Variants in EPHB1 observed in about 807,000 individuals in gnomAD.
EPHB1 encodes the protein EPH receptor B1, also known as ephrin type-B receptor 1.
EPHB1 carries 30 observed loss-of-function variants against 94.4 expected under a neutral mutation model. The observed-to-expected ratio is 0.32, with a 90% confidence interval of 0.24 to 0.43. The LOEUF (loss-of-function observed/expected upper bound fraction) is 0.43. EPHB1 is among the 20% of genes least tolerant of loss of function. The pLI, the probability that EPHB1 is intolerant of heterozygous loss-of-function variation, is 1.00. For synonymous variants in EPHB1, 522 were observed against 489.1 expected (o/e 1.07, Z -0.89); for missense variants, 1,055 against 1,308.3 (o/e 0.81, Z 2.99).
chr3:135,106,781 G>A (rs1219393912), intron 4 of EPHB1, among the ~76,000 whole-genome samples, 178 bp downstream of exon 4: 1 of 152,172 alleles, frequency 6.6e-6, no homozygotes, highest in African/African-American at 2.4e-5. Context: ...TTGTCCCTAC[G>A]TAGCACTGGG....
intron 5 of EPHB1, among the ~76,000 whole-genome samples, chr3:135,136,786 T>C (rs1940636129): frequency 6.6e-6 from 1 of 152,196 alleles, no homozygotes; most frequent in Non-Finnish European, 1.5e-5. Context: ...GTCCATCATC[T>C]TTGGTCAGGA....
intron 3 of EPHB1, among the ~76,000 whole-genome samples, chr3:135,010,887 C>T (rs1935598050): frequency 6.6e-6 from 1 of 152,106 alleles, no homozygotes; most frequent in African/African-American, 2.4e-5. Context: ...TAACACCTGC[C>T]CCCAACCTCC....
chr3:134,872,092 A>G (rs2037511602), intron 1 of EPHB1, among the ~76,000 whole-genome samples: 1 of 152,020 alleles, frequency 6.6e-6, no homozygotes, highest in South Asian at 2.1e-4. Flanking sequence ...TTCTGGTCCT[A>G]CCTCTTTGTT....
At chr3:135,130,144 G>A (rs1412563251) in intron 4 of EPHB1, among the ~76,000 whole-genome samples, 1 of 152,130 alleles carries the variant, frequency 6.6e-6, no homozygotes, top group Non-Finnish European at 1.5e-5. Context: ...GAATTAATTA[G>A]GAGGCTTTTG....
At chr3:134,869,495 A>G (rs999958641) in intron 1 of EPHB1, among the ~76,000 whole-genome samples, 29 of 152,136 alleles carry the variant, frequency 1.9e-4, no homozygotes, top group African/African-American at 6.8e-4. Flanking sequence ...TGGGAGGGTT[A>G]AGTCTATGTC....
At chr3:134,797,609 A>G (rs775877335) in intron 1 of EPHB1, among the ~76,000 whole-genome samples, 6 of 152,214 alleles carry the variant, frequency 3.9e-5, no homozygotes, top group African/African-American at 7.2e-5. Flanking sequence ...CACAGCAGGC[A>G]TGAGGACGTG....
chr3:134,840,855 G>T (rs533060580), intron 1 of EPHB1, among the ~76,000 whole-genome samples: 1 of 152,312 alleles, frequency 6.6e-6, no homozygotes, highest in African/African-American at 2.4e-5. Flanking sequence ...TTCCTGGGAA[G>T]CTTCCAGCAC....
intron 2 of EPHB1, among the ~76,000 whole-genome samples, chr3:134,942,440 T>G (rs938716456): frequency 1.1e-4 from 17 of 152,178 alleles, no homozygotes; most frequent in Non-Finnish European, 1.9e-4. Context: ...GGGGTTAACC[T>G]CCTATGATGA....
At chr3:135,023,786 G>T (rs1936053105) in intron 3 of EPHB1, among the ~76,000 whole-genome samples, 1 of 152,122 alleles carries the variant, frequency 6.6e-6, no homozygotes, top group African/African-American at 2.4e-5. Flanking sequence ...TGGTATTTTA[G>T]TGGGAATCTG....
chr3:135,187,939 C>T (rs1003199991), intron 10 of EPHB1, among the ~76,000 whole-genome samples: 12 of 152,166 alleles, frequency 7.9e-5, no homozygotes, highest in Admixed American at 7.9e-4. Flanking sequence ...TGGCTCATGC[C>T]TGTAATCTCA....
intron 3 of EPHB1, among the ~76,000 whole-genome samples, chr3:135,095,390 T>C (rs1294040255): frequency 6.6e-6 from 1 of 152,182 alleles, no homozygotes; most frequent in Non-Finnish European, 1.5e-5. Context: ...CTCTTCTAGA[T>C]AGCTCTTGAA....
chr3:135,018,676 A>T (rs1312671312), intron 3 of EPHB1, among the ~76,000 whole-genome samples: 1 of 152,170 alleles, frequency 6.6e-6, no homozygotes, highest in Non-Finnish European at 1.5e-5. Flanking sequence ...CAGCAACCAC[A>T]ATCCACCCAC....
chr3:135,007,896 T>A (rs1935481295), intron 3 of EPHB1, among the ~76,000 whole-genome samples: 2 of 152,238 alleles, frequency 1.3e-5, no homozygotes, highest in South Asian at 2.1e-4. Context: ...CACCAGGCGA[T>A]GACATCCCAT....
intron 12 of EPHB1, among the ~76,000 whole-genome samples, chr3:135,208,991 G>A (rs1354353966): frequency 6.6e-6 from 1 of 151,994 alleles, no homozygotes; most frequent in Non-Finnish European, 1.5e-5. Flanking sequence ...AGAATAATGG[G>A]AACATACAAC....
At chr3:134,847,753 A>T (rs1327122459) in intron 1 of EPHB1, among the ~76,000 whole-genome samples, 3 of 152,210 alleles carry the variant, frequency 2.0e-5, no homozygotes, top group Non-Finnish European at 4.4e-5. Flanking sequence ...TCCAGAGCAG[A>T]AATCGCATAT....
In EPHB1 at chr3:134,951,800, T is replaced by G. The variant is rs373971290; in HGVS notation, c.553T>G (p.Ser185Ala). The G allele has an allele frequency of 6.3e-5, 102 of 1,613,932 alleles. No individual in the cohort carries two copies. Among genetic ancestry groups the G allele is most frequent in the Non-Finnish European group, 8.4e-5 (99 of 1,179,914 alleles). ...TTTTCAGGATTATGGAGCCTGTATGTCTCTTCTTTCTGTCCGTGTCTTCTT... is the reference window on the plus strand; with the variant it reads ...TTTTCAGGATTATGGAGCCTGTATGGCTCTTCTTTCTGTCCGTGTCTTCTT... ...LAFQDYGACM[S>A]LLSVRVFFKK... The change falls in exon 3 of 16, where the codon TCT (serine) becomes GCT (alanine). Residue 185 changes from serine to alanine, a missense_variant. By Grantham distance (99) the Ser-to-Ala change is moderately conservative. Coordinates refer to ENST00000398015, the MANE Select transcript of EPHB1 (RefSeq NM_004441.5). This position sits in a 1 kb window ranked among gnomAD's most constrained non-coding sequence, Gnocchi z 4.5.
chr3:134,972,175 A>G (rs1028205738), intron 3 of EPHB1, among the ~76,000 whole-genome samples: 3 of 151,806 alleles, frequency 2.0e-5, no homozygotes, highest in African/African-American at 7.3e-5. Flanking sequence ...CTCCTCTAAG[A>G]GAAGAGGCAG....
At chr3:135,249,852 C>T (rs896255088) in intron 15 of EPHB1, among the ~76,000 whole-genome samples, 1 of 152,196 alleles carries the variant, frequency 6.6e-6, no homozygotes, top group Non-Finnish European at 1.5e-5. Flanking sequence ...AAAAGCATTG[C>T]ACTGATTCAG....
chr3:135,248,954 G>A (rs1207128741), intron 14 of EPHB1, among the ~76,000 whole-genome samples: 1 of 151,936 alleles, frequency 6.6e-6, no homozygotes, highest in Non-Finnish European at 1.5e-5. Flanking sequence ...GAAAAACAAT[G>A]TTACCAATAT....
Sources: gnomAD v4.1 joint callset for allele counts (sites outside exome capture counted in the v4.1 genomes callset) on GRCh38, gnomAD v4.1.1 for gene constraint, Gnocchi (gnomAD v3.1) non-coding constraint, MANE v1.5 for transcripts, NCBI Gene and HGNC (gene_info 2026-07-23, HGNC 2026-07-21) for gene names.